The following RAB3IP variants were observed in gnomAD, a reference collection of about 807,000 sequenced individuals.
RAB3IP encodes rab-3A-interacting protein.
In RAB3IP, 36 loss-of-function variants were observed where a neutral mutation model predicts 59.1. That is an observed-to-expected ratio of 0.61 (90% CI 0.47 to 0.80). The LOEUF is 0.80. Among genes scored for constraint, RAB3IP ranks in the 30% least tolerant of loss-of-function variants. The pLI is 0.00. For missense variants in RAB3IP, 511 were observed against 536.0 expected, an observed-to-expected ratio of 0.95 and a Z score of 0.46; for synonymous variants, 207 against 191.2, an observed-to-expected ratio of 1.08 and a Z score of -0.68.
chr12:69,787,581 G>T (rs1283782700), intron 4 of RAB3IP, among the ~76,000 whole-genome samples: 1 of 152,076 alleles, frequency 6.6e-6, no homozygotes, highest in East Asian at 1.9e-4. Flanking sequence ...TTCTCTTTGT[G>T]TCAAACCATG....
rs12371249 is a variant in RAB3IP, at chr12:69,755,799, G to T, written c.251+140G>T. ...GTAAAGAAATACATGACCTGATAAT[G>T]TTCTAGAACAGGGTTGACAAACTTT... On this transcript the variant is annotated intron_variant, in intron 2 of 10. Transcript: ENST00000247833. 1.4e-5 allele frequency: 10 copies of T among 694,594 alleles called. No homozygotes were observed. In the East Asian group the frequency reaches 2.7e-4, roughly 19 times the overall value. The allele number at this position is 694,594 out of a possible 1,614,324, so 43.0% of individuals were successfully genotyped here.
chr12:69,791,425 C>T (rs138163728), intron 4 of RAB3IP, among the ~76,000 whole-genome samples: 4 of 152,082 alleles, frequency 2.6e-5, no homozygotes, highest in East Asian at 3.9e-4. Flanking sequence ...ATTTGCAAAC[C>T]GTGTATCTGA....
At position 69,821,711 on chromosome 12, in the gene RAB3IP, C is replaced by T. The variant is rs1331127612; in HGVS notation, c.*6265C>T. The T allele has an allele frequency of 6.6e-5, 10 of 152,264 alleles. No homozygotes were observed. Among genetic ancestry groups the T allele is most frequent in the Admixed American group, 4.6e-4 (7 of 15,298 alleles). 9.4% of individuals were successfully genotyped at this position (152,264 alleles called of 1,614,324 possible). On this transcript the variant is annotated 3_prime_UTR_variant, in exon 11 of 11. Transcript: ENST00000247833. ...CAAGCTGCTCTTTTTTAAAATGTGC[C>T]GTTTCGACAACACTGAGCCCACAGT...
At chr12:69,783,551 G>A (rs1377102660) in intron 3 of RAB3IP, among the ~76,000 whole-genome samples, 2 of 152,164 alleles carry the variant, frequency 1.3e-5, no homozygotes, top group African/African-American at 4.8e-5. Flanking sequence ...AGATGTTTGA[G>A]GGTTTAGAGC....
intron 1 of RAB3IP, among the ~76,000 whole-genome samples, chr12:69,746,316 C>T (rs1312566846): frequency 6.6e-6 from 1 of 152,144 alleles, no homozygotes; most frequent in African/African-American, 2.4e-5. Context: ...CACAGTCTGC[C>T]TCTCCAGCCT....
intron 4 of RAB3IP, among the ~76,000 whole-genome samples, chr12:69,787,872 G>T (rs1328546423): frequency 6.6e-6 from 1 of 152,072 alleles, no homozygotes; most frequent in African/African-American, 2.4e-5. Context: ...ACATATATGT[G>T]TATTTATAAA....
intron 8 of RAB3IP, among the ~76,000 whole-genome samples, chr12:69,808,040 T>A (rs1044704608): frequency 6.6e-6 from 1 of 152,220 alleles, no homozygotes; most frequent in Non-Finnish European, 1.5e-5. Context: ...TGCTATAAAT[T>A]TCCCTCTACA....
chr12:69,740,017 A>G, intron 1 of RAB3IP: 1 of 695,068 alleles, frequency 1.4e-6, no homozygotes, highest in Non-Finnish European at 2.5e-6. Context: ...TGTCGGGTTA[A>G]AAGCCTTGTA....
intron 3 of RAB3IP, among the ~76,000 whole-genome samples, chr12:69,783,357 C>G (rs568837294): frequency 2.6e-5 from 4 of 152,300 alleles, no homozygotes; most frequent in Non-Finnish European, 5.9e-5. Context: ...CTTATTTTCT[C>G]TCTCTAGTAT....
chr12:69,773,506 A>G (rs1352712437), intron 3 of RAB3IP, among the ~76,000 whole-genome samples: 3 of 127,586 alleles, frequency 2.4e-5, no homozygotes, highest in Non-Finnish European at 4.8e-5. Flanking sequence ...GGTGTGCTGC[A>G]CCCACTAATG....
intron 8 of RAB3IP, among the ~76,000 whole-genome samples, chr12:69,811,299 C>G (rs1174580999): frequency 6.6e-6 from 1 of 151,948 alleles, no homozygotes; most frequent in East Asian, 1.9e-4. Context: ...CCTGAATCAC[C>G]CAGGGTGATG....
chr12:69,807,717 G>T (rs994830955), intron 8 of RAB3IP, among the ~76,000 whole-genome samples: 1 of 147,534 alleles, frequency 6.8e-6, no homozygotes, highest in African/African-American at 2.5e-5. Context: ...TCACTTCCTA[G>T]ATGGGGCGGC....
chr12:69,739,166 G>C (rs1020462793), intron 1 of RAB3IP, 135 bp downstream of exon 1: 2 of 152,224 alleles, frequency 1.3e-5, no homozygotes, highest in Non-Finnish European at 2.9e-5. Flanking sequence ...TGCAGGGCGC[G>C]GCACGCGGGG....
At chr12:69,764,615 C>G (rs577246099) in intron 3 of RAB3IP, among the ~76,000 whole-genome samples, 1 of 151,228 alleles carries the variant, frequency 6.6e-6, no homozygotes, top group Non-Finnish European at 1.5e-5. Context: ...ATTGCTTTGG[C>G]CATTCAGGCC....
chr12:69,751,684 A>G (rs1265856717), intron 1 of RAB3IP, among the ~76,000 whole-genome samples: 1 of 152,168 alleles, frequency 6.6e-6, no homozygotes, highest in African/African-American at 2.4e-5. Flanking sequence ...AACATTGAAA[A>G]TAGGTTGTGA....
At chr12:69,790,456 A>G (rs1368798076) in intron 4 of RAB3IP, among the ~76,000 whole-genome samples, 1 of 152,230 alleles carries the variant, frequency 6.6e-6, no homozygotes, top group Non-Finnish European at 1.5e-5. Context: ...GGAAGAATTA[A>G]TACTGTTAAA....
At chr12:69,767,513 C>G (rs1264001353) in intron 3 of RAB3IP, among the ~76,000 whole-genome samples, 1 of 152,208 alleles carries the variant, frequency 6.6e-6, no homozygotes, top group Admixed American at 6.5e-5. Context: ...GACGGTGAAT[C>G]CAATGGGCGG....
At chr12:69,801,756 T>G (rs1878425237) in intron 8 of RAB3IP, 35 bp downstream of exon 8, 1 of 1,309,800 alleles carries the variant, frequency 7.6e-7, no homozygotes, top group Non-Finnish European at 1.1e-6. Flanking sequence ...TGAAAGTGAC[T>G]GAGTTTTTGA....
chr12:69,772,448 G>A (rs1411718619), intron 3 of RAB3IP, among the ~76,000 whole-genome samples: 2 of 152,002 alleles, frequency 1.3e-5, no homozygotes, highest in South Asian at 4.2e-4. Flanking sequence ...TGCAATTTTG[G>A]TACTTCTTTT....
Sources: gnomAD v4.1 joint callset for allele counts (sites outside exome capture counted in the v4.1 genomes callset) on GRCh38, gnomAD v4.1.1 for gene constraint, MANE v1.5 for transcripts, NCBI Gene and HGNC (gene_info 2026-07-23, HGNC 2026-07-21) for gene names.